The following CHRM2 variants were observed in gnomAD, a reference collection of about 807,000 sequenced individuals.
The protein encoded by CHRM2 is cholinergic receptor muscarinic 2, also known as muscarinic acetylcholine receptor M2.
A neutral mutation model predicts 25.0 loss-of-function variants in CHRM2; 8 were observed. That is an observed-to-expected ratio of 0.32 (90% CI 0.19 to 0.58). The LOEUF (loss-of-function observed/expected upper bound fraction) is 0.58. Ranked by LOEUF, CHRM2 falls within the 20% of genes least tolerant of loss-of-function variation. The pLI, the probability that CHRM2 is intolerant of heterozygous loss-of-function variation, is 0.88. For synonymous variants in CHRM2, 202 were observed against 205.7 expected (o/e 0.98, Z 0.15); for missense variants, 440 against 567.1 (o/e 0.78, Z 2.28).
chr7:136,968,721 AATATATAT>A (rs57962090), intron 2 of CHRM2, among the ~76,000 whole-genome samples: 28 of 142,470 alleles, frequency 2.0e-4, no homozygotes, highest in Middle Eastern at 3.7e-3. Flanking sequence ...TATTATCATA[AATATATAT>A]ATATATATAT....
rs548123697 is a variant in CHRM2, at chr7:136,874,477, T to C, written c.-125+5059T>C. 6.3e-4 allele frequency among the ~76,000 whole-genome samples: 96 copies of C among 152,114 alleles called. 1 individual carries two copies. Among genetic ancestry groups the C allele is most frequent in the African/African-American group, 2.3e-3 (96 of 41,486 alleles). On this transcript the variant is annotated intron_variant, in intron 2 of 3. Transcript: ENST00000680005. ...GTAGATAAGGGTACACACTAAAAACTCAGTTTTCTCATTTTCTTTCATTAG... is the reference window on the plus strand; with the variant it reads ...GTAGATAAGGGTACACACTAAAAACCCAGTTTTCTCATTTTCTTTCATTAG...
rs528854785 is a variant in CHRM2, at chr7:136,999,572, G to A, written c.-47+7308G>A. On this transcript the variant is annotated intron_variant, in intron 3 of 3. Coordinates refer to ENST00000680005, the MANE Select transcript of CHRM2 (RefSeq NM_001006630.2). Reference sequence around the variant, plus strand: ...CTCCTCCCACCCCACAACAGGCCCCGGTGTATGATGTTCCCCTTCCTGTGT... The same window carrying A: ...CTCCTCCCACCCCACAACAGGCCCCAGTGTATGATGTTCCCCTTCCTGTGT... Among the ~76,000 whole-genome samples, 45 of 132,446 alleles carry A rather than the reference G, an allele frequency of 3.4e-4. No individual in the cohort carries two copies. In the South Asian group the frequency reaches 6.1e-3, roughly 18 times the overall value. The allele number at this position is 132,446 out of a possible 152,430, so 86.9% of individuals were successfully genotyped here.
intron 2 of CHRM2, chr7:136,899,849 G>T (rs1331826779): frequency 6.6e-6 from 1 of 152,004 alleles, no homozygotes; most frequent in Non-Finnish European, 1.5e-5. Context: ...ATAAACAGGA[G>T]TTATGGGCTA....
At chr7:136,979,439 CTTTAG>C (rs1802335844) in intron 2 of CHRM2, among the ~76,000 whole-genome samples, 2 of 152,112 alleles carry the variant, frequency 1.3e-5, no homozygotes, top group South Asian at 4.1e-4. Context: ...TGTAGAAGCT[CTTTAG>C]TTTAATTAGA....
intron 2 of CHRM2, among the ~76,000 whole-genome samples, chr7:136,952,220 A>C (rs1800454756): frequency 6.6e-6 from 1 of 152,218 alleles, no homozygotes; most frequent in South Asian, 2.1e-4. Flanking sequence ...TGCGTTTCTA[A>C]TATGATGACA....
chr7:136,891,303 C>T (rs1332730067), intron 2 of CHRM2, among the ~76,000 whole-genome samples: 2 of 152,154 alleles, frequency 1.3e-5, no homozygotes, highest in East Asian at 1.9e-4. Context: ...TCCTGAGGCT[C>T]CTGGATACTG....
At chr7:137,003,522 ACACACACACACAC>A (rs1285396125) in intron 3 of CHRM2, among the ~76,000 whole-genome samples, 1 of 70,084 alleles carries the variant, frequency 1.4e-5, no homozygotes, top group Non-Finnish European at 2.8e-5. Context: ...ACACACACAC[ACACACACACACAC>A]ACTAGTTAGG....
At chr7:136,886,268 C>T (rs1027213146) in intron 2 of CHRM2, among the ~76,000 whole-genome samples, 6 of 152,224 alleles carry the variant, frequency 3.9e-5, no homozygotes, top group African/African-American at 1.2e-4. Context: ...ATGAAAACAC[C>T]GAGTGATAGT....
Position 137,019,603 on chromosome 7 carries a change from TC to T in CHRM2, c.*3340del, listed in dbSNP as rs1805336894. ...TCTCCTCATAGCAATAATGTAGCTATCCCAGAGTGATATTATAAGAAGAGGA... is the reference window on the plus strand; with the variant it reads ...TCTCCTCATAGCAATAATGTAGCTATCCAGAGTGATATTATAAGAAGAGGA... On this transcript the variant is annotated 3_prime_UTR_variant, in exon 4 of 4. Transcript: ENST00000680005. 6.6e-6 allele frequency: 1 copy of T among 151,868 alleles called. No individual in the cohort carries two copies. The highest frequency in any genetic ancestry group is 1.9e-4 in the East Asian group (1 of 5,140). The allele number at this position is 151,868 out of a possible 1,614,324, so 9.4% of individuals were successfully genotyped here.
chr7:136,999,412 T>C (rs779805087), intron 3 of CHRM2, among the ~76,000 whole-genome samples: 9 of 152,120 alleles, frequency 5.9e-5, no homozygotes, highest in Non-Finnish European at 1.2e-4. Context: ...TTTTTAATTA[T>C]ACTTTAAGTT....
intron 2 of CHRM2, among the ~76,000 whole-genome samples, chr7:136,982,435 C>G (rs1202805686): frequency 6.6e-6 from 1 of 152,076 alleles, no homozygotes; most frequent in Non-Finnish European, 1.5e-5. Context: ...GGCATTTATC[C>G]CATTTACATT....
chr7:136,945,389 C>A (rs549706654), intron 2 of CHRM2, among the ~76,000 whole-genome samples: 4 of 152,002 alleles, frequency 2.6e-5, no homozygotes, highest in Admixed American at 6.6e-5. Context: ...TTTGATCCAT[C>A]GTGAGTTGCT....
At chr7:136,921,597 T>G (rs1798435232) in intron 2 of CHRM2, among the ~76,000 whole-genome samples, 1 of 152,060 alleles carries the variant, frequency 6.6e-6, no homozygotes, top group African/African-American at 2.4e-5. Context: ...CTGGTTTAGA[T>G]TCTAAGATAC....
At chr7:136,889,819 T>A (rs1394235859) in intron 2 of CHRM2, among the ~76,000 whole-genome samples, 2 of 152,232 alleles carry the variant, frequency 1.3e-5, no homozygotes, top group Non-Finnish European at 2.9e-5. Context: ...AATGTTGTTT[T>A]TTTCTCTATG....
At chr7:136,924,111 C>T (rs1300835899) in intron 2 of CHRM2, among the ~76,000 whole-genome samples, 1 of 152,010 alleles carries the variant, frequency 6.6e-6, no homozygotes, top group African/African-American at 2.4e-5. Context: ...TTAAAAATAA[C>T]TTCCTGTCTG....
At chr7:136,972,469 T>C (rs932907532) in intron 2 of CHRM2, among the ~76,000 whole-genome samples, 27 of 152,296 alleles carry the variant, frequency 1.8e-4, no homozygotes, top group African/African-American at 5.3e-4. Flanking sequence ...TGACACAATA[T>C]AGTCTGCTGC....
At chr7:136,921,746 G>A (rs1798446199) in intron 2 of CHRM2, among the ~76,000 whole-genome samples, 1 of 146,682 alleles carries the variant, frequency 6.8e-6, no homozygotes, top group South Asian at 2.1e-4. Context: ...TGATGCTGTA[G>A]AAATATACCA....
At chr7:136,996,078 A>C (rs1803582034) in intron 3 of CHRM2, among the ~76,000 whole-genome samples, 1 of 151,912 alleles carries the variant, frequency 6.6e-6, no homozygotes. Flanking sequence ...GAGAAAGTGT[A>C]AACTGCCTGA....
chr7:136,978,087 A>T (rs1802228150), intron 2 of CHRM2, among the ~76,000 whole-genome samples: 1 of 152,108 alleles, frequency 6.6e-6, no homozygotes, highest in Non-Finnish European at 1.5e-5. Context: ...GAGGGGGAAC[A>T]CGGGCTGGAA....
Sources: allele counts gnomAD v4.1 joint callset (sites outside exome capture counted in the v4.1 genomes callset), GRCh38; gene constraint gnomAD v4.1.1; transcripts MANE v1.5; gene names NCBI Gene and HGNC (gene_info 2026-07-23, HGNC 2026-07-21).